Variants in FARP1 observed in about 807,000 individuals in gnomAD.
The protein encoded by FARP1 is FERM, ARH/RhoGEF and pleckstrin domain protein 1.
A neutral mutation model predicts 128.8 loss-of-function variants in FARP1; 52 were observed. The ratio of observed to expected loss-of-function variants is 0.40; its 90% CI spans 0.32 to 0.51. FARP1 has a LOEUF of 0.51. Among genes scored for constraint, FARP1 ranks in the 20% least tolerant of loss-of-function variants. The pLI is 0.45. For missense variants in FARP1, 1,333 were observed against 1,367.9 expected, an observed-to-expected ratio of 0.97 and a Z score of 0.40; for synonymous variants, 580 against 551.8, an observed-to-expected ratio of 1.05 and a Z score of -0.72.
At chr13:98,392,383 C>T (rs1365009713) in intron 11 of FARP1, among the ~76,000 whole-genome samples, 1 of 150,622 alleles carries the variant, frequency 6.6e-6, no homozygotes, top group African/African-American at 2.5e-5. Flanking sequence ...GCCTGTGGTC[C>T]CAGCTACTTG....
At chr13:98,231,697 C>G (rs545609655) in intron 2 of FARP1, among the ~76,000 whole-genome samples, 1 of 152,038 alleles carries the variant, frequency 6.6e-6, no homozygotes, top group Non-Finnish European at 1.5e-5. Flanking sequence ...CCTTGGCCTC[C>G]GAAAGTGTTG....
chr13:98,396,464 AGTGAGGAACAGGAGGAGGAT>A, intron 13 of FARP1: 1 of 382,038 alleles, frequency 2.6e-6, no homozygotes, highest in African/African-American at 2.1e-5. Context: ...GAGGAGGATG[AGTGAGGAACAGGAGGAGGAT>A]GAGTGAGGAG....
chr13:98,178,187 TA>T (rs1231495511), intron 1 of FARP1, among the ~76,000 whole-genome samples: 1 of 135,594 alleles, frequency 7.4e-6, no homozygotes, highest in Non-Finnish European at 1.5e-5. Flanking sequence ...TAATCATTTT[TA>T]ATTTTTTTTT....
intron 10 of FARP1, chr13:98,390,564 A>G: frequency 2.1e-6 from 1 of 483,568 alleles, no homozygotes; most frequent in East Asian, 3.3e-5. Flanking sequence ...TTAGTAACCA[A>G]ACACAGTTAT....
rs1424819851 is a variant in FARP1 at position 98,437,682 on chromosome 13, G to C, written c.2275-1122G>C. 4.1e-6 allele frequency: 3 copies of C among 737,324 alleles called. No homozygotes were observed. In the South Asian group the frequency reaches 4.4e-5, roughly 11 times the overall value. 45.7% of individuals were successfully genotyped at this position (737,324 alleles called of 1,614,324 possible). ...GGAAGATGGTGAGTTATCTGTGCAGGAGGGCTGTGTCCTGGACCGTGAAGA... is the reference window on the plus strand; with the variant it reads ...GGAAGATGGTGAGTTATCTGTGCAGCAGGGCTGTGTCCTGGACCGTGAAGA... On this transcript the variant is annotated intron_variant, in intron 19 of 26. Coordinates refer to ENST00000319562, the MANE Select transcript of FARP1 (RefSeq NM_005766.4).
At chr13:98,269,442 T>C (rs1884285382) in intron 2 of FARP1, among the ~76,000 whole-genome samples, 1 of 152,264 alleles carries the variant, frequency 6.6e-6, no homozygotes, top group Non-Finnish European at 1.5e-5. Flanking sequence ...AAGATGATTC[T>C]AGTTACTAGT....
At chr13:98,331,531 A>C (rs1887508795) in intron 2 of FARP1, among the ~76,000 whole-genome samples, 1 of 152,244 alleles carries the variant, frequency 6.6e-6, no homozygotes, top group Non-Finnish European at 1.5e-5. Flanking sequence ...GAGGTTTAAA[A>C]ATACTGAAGG....
chr13:98,425,215 AAG>A (rs1891737321), intron 17 of FARP1, among the ~76,000 whole-genome samples: 1 of 152,152 alleles, frequency 6.6e-6, no homozygotes, highest in Non-Finnish European at 1.5e-5. Flanking sequence ...AAAAAAAAAA[AAG>A]ATGTGGACAA....
rs1245440914 is a variant in FARP1 at position 98,440,757 on chromosome 13, A to G, written c.2717A>G (p.His906Arg). The change falls in exon 24 of 27, where the codon CAC becomes CGC. Residue 906 changes from histidine to arginine, a missense_variant. Coordinates refer to ENST00000319562, the MANE Select transcript of FARP1 (RefSeq NM_005766.4). ...SRTSLERQAP[H>R]RGNTMVHVCW... ...ACATCGCTGGAGCGCCAGGCCCCGC[A>G]CCGCGGCAACACAATGGTGCACGTG... The G allele has an allele frequency of 6.2e-7, 1 of 1,613,250 alleles. No individual in the cohort carries two copies. Among genetic ancestry groups the G allele is most frequent in the Non-Finnish European group, 8.5e-7 (1 of 1,179,976 alleles).
At chr13:98,357,370 T>A (rs1022137458) in intron 3 of FARP1, among the ~76,000 whole-genome samples, 2 of 152,222 alleles carry the variant, frequency 1.3e-5, no homozygotes, top group African/African-American at 4.8e-5. Context: ...TTTCTGAGAA[T>A]GTATTGACAA....
chr13:98,296,318 C>T (rs954443956), intron 2 of FARP1, among the ~76,000 whole-genome samples: 2 of 152,228 alleles, frequency 1.3e-5, no homozygotes, highest in Middle Eastern at 3.4e-3. Flanking sequence ...TACACCTTGC[C>T]GCCAGCACAT....
chr13:98,267,249 T>TG (rs759268600), intron 2 of FARP1, among the ~76,000 whole-genome samples: 4 of 152,174 alleles, frequency 2.6e-5, no homozygotes, highest in Non-Finnish European at 4.4e-5. Flanking sequence ...CAGTTGTCTT[T>TG]GGGGCGTGTC....
At chr13:98,371,402 T>C (rs1889322352) in intron 5 of FARP1, among the ~76,000 whole-genome samples, 1 of 152,150 alleles carries the variant, frequency 6.6e-6, no homozygotes, top group Non-Finnish European at 1.5e-5. Flanking sequence ...CTGTCAGTGC[T>C]GATAAATTCC....
chr13:98,194,776 T>A (rs1164897419), intron 1 of FARP1, among the ~76,000 whole-genome samples: 2 of 152,240 alleles, frequency 1.3e-5, no homozygotes, highest in Non-Finnish European at 2.9e-5. Context: ...CAAGCCTTTC[T>A]TTCTAGGATT....
chr13:98,284,203 G>A (rs904648902), intron 2 of FARP1, among the ~76,000 whole-genome samples: 14 of 151,850 alleles, frequency 9.2e-5, no homozygotes, highest in African/African-American at 3.1e-4. Flanking sequence ...TTCCTCATCA[G>A]CTATTGTTAG....
At chr13:98,275,992 A>G (rs1320462261) in intron 2 of FARP1, among the ~76,000 whole-genome samples, 1 of 152,212 alleles carries the variant, frequency 6.6e-6, no homozygotes, top group Non-Finnish European at 1.5e-5. Context: ...CATTATGGAA[A>G]GTCCTAAGTG....
At chr13:98,316,009 G>T (rs1465040400) in intron 2 of FARP1, among the ~76,000 whole-genome samples, 1 of 152,172 alleles carries the variant, frequency 6.6e-6, no homozygotes, top group East Asian at 1.9e-4. Context: ...CTGAAGTGCG[G>T]CTTATGTCAT....
At chr13:98,331,969 C>T (rs1887527565) in intron 2 of FARP1, among the ~76,000 whole-genome samples, 1 of 152,118 alleles carries the variant, frequency 6.6e-6, no homozygotes, top group Non-Finnish European at 1.5e-5. Context: ...TTTTATAGTG[C>T]TTGACTTTTT....
At position 98,450,452 on chromosome 13, in the gene FARP1, A is replaced by C. The variant is rs1175606975; in HGVS notation, c.*2135A>C. Reference sequence around the variant, plus strand: ...GCAGGGATAAAACTATTGGATAAGGAAGGCAGATGCACTTCCAAGAAAATC... The same window carrying C: ...GCAGGGATAAAACTATTGGATAAGGCAGGCAGATGCACTTCCAAGAAAATC... On this transcript the variant is annotated 3_prime_UTR_variant, in exon 27 of 27. Coordinates refer to ENST00000319562, the MANE Select transcript of FARP1 (RefSeq NM_005766.4). 3.3e-5 allele frequency: 5 copies of C among 152,280 alleles called. No individual in the cohort carries two copies. The highest frequency in any genetic ancestry group is 4.4e-5 in the Non-Finnish European group (3 of 68,066). The allele number at this position is 152,280 out of a possible 1,614,324, so 9.4% of individuals were successfully genotyped here.
Sources: gnomAD v4.1 joint callset for allele counts (sites outside exome capture counted in the v4.1 genomes callset) on GRCh38, gnomAD v4.1.1 for gene constraint, MANE v1.5 for transcripts, NCBI Gene and HGNC (gene_info 2026-07-23, HGNC 2026-07-21) for gene names.